CSRNP3: variants seen among roughly 807,000 people sequenced by gnomAD.
The protein encoded by CSRNP3 is cysteine and serine rich nuclear protein 3, also known as cysteine/serine-rich nuclear protein 3.
In CSRNP3, 12 loss-of-function variants were observed where a neutral mutation model predicts 48.0. The observed-to-expected ratio is 0.25, with a 90% CI of 0.16 to 0.41. The LOEUF is 0.41. CSRNP3 is among the 10% of genes least tolerant of loss of function. The pLI is 1.00. For missense variants in CSRNP3, 580 were observed against 724.4 expected (o/e 0.80, Z 2.29); for synonymous variants, 263 against 269.7 (o/e 0.98, Z 0.24).
chr2:165,649,451 A>C (rs1329639181), intron 4 of CSRNP3, among the ~76,000 whole-genome samples: 1 of 152,214 alleles, frequency 6.6e-6, no homozygotes, highest in Non-Finnish European at 1.5e-5. Context: ...TCCTCTACCA[A>C]AGGAATGATA....
intron 4 of CSRNP3, among the ~76,000 whole-genome samples, chr2:165,635,374 T>G (rs1164681661): frequency 6.6e-6 from 1 of 152,182 alleles, no homozygotes; most frequent in Non-Finnish European, 1.5e-5. Context: ...TCCATTTTAC[T>G]CCTGGGAAAA....
At chr2:165,595,747 A>G (rs1384800335) in intron 4 of CSRNP3, among the ~76,000 whole-genome samples, 2 of 152,088 alleles carry the variant, frequency 1.3e-5, no homozygotes, top group African/African-American at 2.4e-5. Context: ...TCTCTTCTCC[A>G]GTATTTAAAG....
In CSRNP3 at chr2:165,663,001, T is replaced by C. The variant is rs371895271; in HGVS notation, c.408+4981T>C. Among the ~76,000 whole-genome samples the C allele has an allele frequency of 2.6e-5, 4 of 152,194 alleles. No individual in the cohort carries two copies. The South Asian group carries it at 8.3e-4, about 32-fold the overall frequency. ...TAATGATTAACCTTTAAAAAAACTC[T>C]ACATAAATTTTTTTCATCCCAAATC... On this transcript the variant is annotated intron_variant, in intron 5 of 6. Transcript: ENST00000651982.
At chr2:165,496,913 A>G (rs984410972) in intron 2 of CSRNP3, among the ~76,000 whole-genome samples, 2 of 152,004 alleles carry the variant, frequency 1.3e-5, no homozygotes, top group African/African-American at 4.8e-5. Context: ...ATTGATTTCT[A>G]TAGCTTGTAA....
intron 4 of CSRNP3, among the ~76,000 whole-genome samples, chr2:165,607,551 C>T (rs762790681): frequency 1.3e-5 from 2 of 152,184 alleles, no homozygotes; most frequent in Non-Finnish European, 1.5e-5. Flanking sequence ...GCTATAAATA[C>T]ACTATCACTG....
intron 4 of CSRNP3, among the ~76,000 whole-genome samples, chr2:165,606,866 A>C (rs1686037945): frequency 1.3e-5 from 2 of 152,138 alleles, no homozygotes; most frequent in Non-Finnish European, 2.9e-5. Context: ...GTAAAAATAT[A>C]ACATAGGAAG....
At chr2:165,524,133 C>T (rs1047220947) in intron 3 of CSRNP3, among the ~76,000 whole-genome samples, 5 of 152,248 alleles carry the variant, frequency 3.3e-5, no homozygotes, top group Admixed American at 6.5e-5. Context: ...ATAATCATAA[C>T]TCAATGAAGA....
intron 4 of CSRNP3, among the ~76,000 whole-genome samples, chr2:165,602,829 G>T (rs1255239764): frequency 6.6e-6 from 1 of 152,074 alleles, no homozygotes; most frequent in Non-Finnish European, 1.5e-5. Flanking sequence ...ACTTCACCAA[G>T]TCTCTCTCAT....
intron 1 of CSRNP3, among the ~76,000 whole-genome samples, chr2:165,474,527 C>T (rs1440139939): frequency 6.6e-6 from 1 of 152,132 alleles, no homozygotes; most frequent in Non-Finnish European, 1.5e-5. Flanking sequence ...GCCCTAGAAA[C>T]ATGGGACTGC....
Position 165,597,741 on chromosome 2 carries a change from C to T in CSRNP3, c.148+2528C>T, listed in dbSNP as rs114639394. 5.2e-3 allele frequency among the ~76,000 whole-genome samples: 787 copies of T among 151,878 alleles called. 7 individuals carry two copies. Among genetic ancestry groups the T allele is most frequent in the Middle Eastern group, 0.017 (5 of 292 alleles). On this transcript the variant is annotated intron_variant, in intron 4 of 6. Transcript: ENST00000651982. ...TACATGTAATTTCTTGAGATAAACA[C>T]GAAGACACACATCTCCAAAGAAAAT...
rs869287628 is a variant in CSRNP3, at chr2:165,520,783, TTATATA to T, written c.-24+2861_-24+2866del. Among the ~76,000 whole-genome samples the T allele has an allele frequency of 6.5e-3, 192 of 29,674 alleles. 2 individuals are homozygous for T. Among genetic ancestry groups the T allele is most frequent in the East Asian group, 0.021 (15 of 704 alleles). The allele number at this position is 29,674 out of a possible 152,430, so 19.5% of individuals were successfully genotyped here. ...TATAGAAATATATTATATATATATA[TTATATA>T]TATATATATATATATATATATATAT... is the stretch of plus-strand genomic sequence containing the variant. On this transcript the variant is annotated intron_variant, in intron 3 of 6. Coordinates refer to ENST00000651982, the MANE Select transcript of CSRNP3 (RefSeq NM_001172173.2).
intron 3 of CSRNP3, among the ~76,000 whole-genome samples, chr2:165,562,580 A>G (rs1325924602): frequency 6.6e-6 from 1 of 152,178 alleles, no homozygotes; most frequent in Non-Finnish European, 1.5e-5. Context: ...CTGTCCTCTG[A>G]GCAATTTGAA....
chr2:165,625,264 T>G (rs1317409705), intron 4 of CSRNP3, among the ~76,000 whole-genome samples: 1 of 151,944 alleles, frequency 6.6e-6, no homozygotes, highest in African/African-American at 2.4e-5. Flanking sequence ...TACCCGGTTC[T>G]CAAAGAACCA....
At chr2:165,544,018 C>G (rs933067236) in intron 3 of CSRNP3, among the ~76,000 whole-genome samples, 7 of 150,806 alleles carry the variant, frequency 4.6e-5, no homozygotes, top group African/African-American at 1.7e-4. Flanking sequence ...TATACACACA[C>G]AATGTTTGAA....
At chr2:165,606,366 C>CAAAAAAAAAAAAAAAAAAAAAAAAAAA in intron 4 of CSRNP3, among the ~76,000 whole-genome samples, 1 of 63,106 alleles carries the variant, frequency 1.6e-5, no homozygotes, top group Non-Finnish European at 3.7e-5. Context: ...GCTAATGCAG[C>CAAAAAAAAAAAAAAAAAAAAAAAAAAA]AAAAAAAAAA....
chr2:165,573,121 A>G (rs1440702381), intron 3 of CSRNP3, among the ~76,000 whole-genome samples: 1 of 152,040 alleles, frequency 6.6e-6, no homozygotes, highest in Non-Finnish European at 1.5e-5. Context: ...TATTAGAACA[A>G]TGTATTTTAT....
At chr2:165,521,799 C>T (rs1684666122) in intron 3 of CSRNP3, among the ~76,000 whole-genome samples, 1 of 152,122 alleles carries the variant, frequency 6.6e-6, no homozygotes, top group Non-Finnish European at 1.5e-5. Flanking sequence ...GTACTAGATG[C>T]CATTGGCACT....
chr2:165,687,410 T>C lies in CSRNP3; in HGVS notation c.*7657T>C, dbSNP rs1031992765. On this transcript the variant is annotated 3_prime_UTR_variant, in exon 7 of 7. Transcript: ENST00000651982. ...AGATCCCCAGTACAAACATCAGAAC[T>C]AGGATCAAATGACTTGACTTTTAAG... 2 of 152,114 alleles carry C rather than the reference T, an allele frequency of 1.3e-5. No homozygotes were observed. Among genetic ancestry groups the C allele is most frequent in the Non-Finnish European group, 2.9e-5 (2 of 67,990 alleles). The allele number at this position is 152,114 out of a possible 1,614,324, so 9.4% of individuals were successfully genotyped here.
chr2:165,593,825 A>C (rs1473989186), intron 3 of CSRNP3, among the ~76,000 whole-genome samples: 2 of 152,186 alleles, frequency 1.3e-5, no homozygotes, highest in Non-Finnish European at 2.9e-5. Context: ...CTTATTAATA[A>C]AGATTGGACA....
Sources: allele counts gnomAD v4.1 joint callset (sites outside exome capture counted in the v4.1 genomes callset), GRCh38; gene constraint gnomAD v4.1.1; transcripts MANE v1.5; gene names NCBI Gene and HGNC (gene_info 2026-07-23, HGNC 2026-07-21).